Variants in MMP16 observed in about 807,000 individuals in gnomAD.
The protein encoded by MMP16 is matrix metallopeptidase 16.
MMP16 carries 12 observed loss-of-function variants against 67.8 expected under a neutral mutation model. The ratio of observed to expected loss-of-function variants is 0.18; its 90% CI spans 0.11 to 0.29. The LOEUF (loss-of-function observed/expected upper bound fraction) is 0.29, where lower values mean the gene tolerates loss of function less well. MMP16 is among the 10% of genes least tolerant of loss of function. MMP16 has a pLI of 1.00. For synonymous variants in MMP16, 249 were observed against 255.9 expected (o/e 0.97, Z 0.26); for missense variants, 475 against 765.7 (o/e 0.62, Z 4.48).
chr8:88,138,982 T>C (rs907212921), intron 4 of MMP16, among the ~76,000 whole-genome samples: 2 of 152,144 alleles, frequency 1.3e-5, no homozygotes, highest in African/African-American at 2.4e-5. Flanking sequence ...ATAAAGGCAT[T>C]TGAAAATGTT....
chr8:88,153,745 C>A (rs983895193), intron 4 of MMP16, among the ~76,000 whole-genome samples: 1 of 149,224 alleles, frequency 6.7e-6, no homozygotes, highest in African/African-American at 2.5e-5. Flanking sequence ...AAACGTTAGA[C>A]CTAAAACCAT....
chr8:88,079,316 T>C (rs1184498950), intron 6 of MMP16, among the ~76,000 whole-genome samples: 1 of 152,178 alleles, frequency 6.6e-6, no homozygotes, highest in Non-Finnish European at 1.5e-5. Flanking sequence ...AGAGACCATA[T>C]ACGCAAAACT....
chr8:88,075,865 T>C (rs1166493241), intron 6 of MMP16, among the ~76,000 whole-genome samples: 1 of 151,696 alleles, frequency 6.6e-6, no homozygotes, highest in Non-Finnish European at 1.5e-5. Context: ...TTTTAGGACC[T>C]TCTCATGCTT....
intron 1 of MMP16, among the ~76,000 whole-genome samples, chr8:88,282,880 C>T (rs1256126303): frequency 6.6e-6 from 1 of 152,002 alleles, no homozygotes; most frequent in Non-Finnish European, 1.5e-5. Context: ...TCACTTGGTT[C>T]CACATATTAT....
At chr8:88,175,598 T>C (rs941377170) in intron 3 of MMP16, among the ~76,000 whole-genome samples, 1 of 152,186 alleles carries the variant, frequency 6.6e-6, no homozygotes. Context: ...GTAAAGATAA[T>C]AATTGGCATA....
At chr8:88,307,473 A>C (rs1425017123) in intron 1 of MMP16, among the ~76,000 whole-genome samples, 1 of 152,086 alleles carries the variant, frequency 6.6e-6, no homozygotes, top group Non-Finnish European at 1.5e-5. Context: ...AAAAACAGAC[A>C]ATAACAAATT....
chr8:88,146,562 T>A lies in MMP16; in HGVS notation c.709+21107A>T, dbSNP rs73287056. On this transcript the variant is annotated intron_variant, in intron 4 of 9. Coordinates refer to ENST00000286614, the MANE Select transcript of MMP16 (RefSeq NM_005941.5). ...TTTTGCAATTTGCCCTATTCACTCA[T>A]TGTTGTTTGTAAAATTCATCTAGAT... Among the ~76,000 whole-genome samples, 823 of 151,984 alleles carry A rather than the reference T, an allele frequency of 5.4e-3. 2 individuals carry two copies. The highest frequency in any genetic ancestry group is 0.019 in the African/African-American group (769 of 41,462).
intron 4 of MMP16, among the ~76,000 whole-genome samples, chr8:88,147,461 C>T (rs1043651823): frequency 2.0e-5 from 3 of 151,968 alleles, no homozygotes; most frequent in Non-Finnish European, 2.9e-5. Flanking sequence ...ATTATTTCAT[C>T]TAAGTTTTTT....
chr8:88,118,549 G>T, intron 5 of MMP16, 151 bp downstream of exon 5: 4 of 640,280 alleles, frequency 6.2e-6, no homozygotes, highest in Non-Finnish European at 1.0e-5. Context: ...ACAAAATTCA[G>T]TTGATAGAAT....
intron 1 of MMP16, among the ~76,000 whole-genome samples, chr8:88,271,597 G>T (rs1354050419): frequency 2.6e-5 from 4 of 152,126 alleles, no homozygotes. Context: ...GGGTTCAAGC[G>T]ATTCTCCTGC....
chr8:88,104,192 C>T (rs979750957), intron 6 of MMP16, among the ~76,000 whole-genome samples: 1 of 151,648 alleles, frequency 6.6e-6, no homozygotes, highest in African/African-American at 2.4e-5. Context: ...TAAAAATCTA[C>T]TCACAGTTCC....
intron 1 of MMP16, among the ~76,000 whole-genome samples, chr8:88,326,635 T>C (rs1811542866): frequency 6.6e-6 from 1 of 152,182 alleles, no homozygotes; most frequent in Non-Finnish European, 1.5e-5. Context: ...CTAGATTCTT[T>C]GATTTTTAAC....
At chr8:88,129,793 T>G (rs1389485137) in intron 4 of MMP16, among the ~76,000 whole-genome samples, 2 of 151,558 alleles carry the variant, frequency 1.3e-5, no homozygotes, top group Admixed American at 1.3e-4. Context: ...TTTTTTAGAG[T>G]AGGTTTCACA....
At chr8:88,154,881 GAAAAA>G (rs979403651) in intron 4 of MMP16, among the ~76,000 whole-genome samples, 1 of 140,170 alleles carries the variant, frequency 7.1e-6, no homozygotes, top group Non-Finnish European at 1.6e-5. Context: ...AAAAAAAAAA[GAAAAA>G]AAAAAGAAAT....
intron 1 of MMP16, among the ~76,000 whole-genome samples, chr8:88,242,947 G>GCTGAC (rs1810055527): frequency 6.6e-6 from 1 of 152,056 alleles, no homozygotes; most frequent in African/African-American, 2.4e-5. Flanking sequence ...ATGTCCTTAG[G>GCTGAC]CTGACTAGAT....
rs146693025 is a variant in MMP16 at position 88,205,807 on chromosome 8, T to C, written c.133-8501A>G. ...GCACCTATGACACACCATTTAACTG[T>C]AATTCTGACCTCAGCCAAATGTCCA... On this transcript the variant is annotated intron_variant, in intron 1 of 9. Coordinates refer to ENST00000286614, the MANE Select transcript of MMP16 (RefSeq NM_005941.5). Among the ~76,000 whole-genome samples the C allele has an allele frequency of 4.8e-4, 73 of 152,188 alleles. No individual in the cohort carries two copies. The East Asian group carries it at 0.014, about 29-fold the overall frequency.
At chr8:88,314,516 A>G (rs563427118) in intron 1 of MMP16, among the ~76,000 whole-genome samples, 2 of 152,326 alleles carry the variant, frequency 1.3e-5, no homozygotes, top group South Asian at 4.1e-4. Flanking sequence ...GTTAAGTCAC[A>G]GAACAGTGTG....
intron 6 of MMP16, among the ~76,000 whole-genome samples, chr8:88,097,032 G>T (rs911011283): frequency 1.2e-4 from 18 of 151,814 alleles, no homozygotes; most frequent in Non-Finnish European, 8.8e-5. Context: ...GTAGGTTTTA[G>T]TTCTACCTCT....
intron 1 of MMP16, among the ~76,000 whole-genome samples, chr8:88,201,753 G>A (rs1395059721): frequency 6.6e-6 from 1 of 151,964 alleles, no homozygotes; most frequent in African/African-American, 2.4e-5. Flanking sequence ...AAACGCACTG[G>A]CTAAATTTTG....
Sources: gnomAD v4.1 joint callset for allele counts (sites outside exome capture counted in the v4.1 genomes callset) on GRCh38, gnomAD v4.1.1 for gene constraint, MANE v1.5 for transcripts, NCBI Gene and HGNC (gene_info 2026-07-23, HGNC 2026-07-21) for gene names.